FARS2: variants seen among roughly 807,000 people sequenced by gnomAD.
The protein encoded by FARS2 is phenylalanine--tRNA ligase, mitochondrial.
A neutral mutation model predicts 46.4 loss-of-function variants in FARS2; 40 were observed. That is an observed-to-expected ratio of 0.86 (90% CI 0.67 to 1.12). FARS2 has a LOEUF of 1.12. FARS2 is among the 50% of genes most tolerant of loss of function. The pLI, the probability that FARS2 is intolerant of heterozygous loss-of-function variation, is 0.00. For synonymous variants in FARS2, 234 were observed against 214.9 expected (o/e 1.09, Z -0.78); for missense variants, 513 against 567.9 (o/e 0.90, Z 0.98).
chr6:5,261,004 C>T (rs1765070656), upstream of FARS2: 14 of 1,070,944 alleles, frequency 1.3e-5, no homozygotes, highest in African/African-American at 1.7e-5. Flanking sequence ...CCGCCCCGAT[C>T]CCGCCCCCGC....
At chr6:5,670,447 CTGT>C (rs1253688900) in intron 6 of FARS2, among the ~76,000 whole-genome samples, 1 of 152,166 alleles carries the variant, frequency 6.6e-6, no homozygotes, top group African/African-American at 2.4e-5. Flanking sequence ...AAACCATGTC[CTGT>C]TGTTCTTTAT....
At chr6:5,272,704 T>C (rs1419197057) in intron 1 of FARS2, among the ~76,000 whole-genome samples, 2 of 152,202 alleles carry the variant, frequency 1.3e-5, no homozygotes, top group Non-Finnish European at 2.9e-5. Context: ...AAATATGCGA[T>C]AGATTATTAT....
chr6:5,319,566 C>G (rs745692143), intron 1 of FARS2, among the ~76,000 whole-genome samples: 1 of 152,214 alleles, frequency 6.6e-6, no homozygotes, highest in Non-Finnish European at 1.5e-5. Flanking sequence ...GCTGATGGAT[C>G]TCTCGAGTTG....
intron 1 of FARS2, among the ~76,000 whole-genome samples, chr6:5,294,583 GTCCTGGCCTCTTGAAC>G (rs1466475995): frequency 6.6e-6 from 1 of 152,234 alleles, no homozygotes; most frequent in African/African-American, 2.4e-5. Flanking sequence ...ACAGTCACAA[GTCCTGGCCTCTTGAAC>G]TTCTGACTGA....
chr6:5,427,083 T>C (rs1762896249), intron 3 of FARS2, among the ~76,000 whole-genome samples: 2 of 152,234 alleles, frequency 1.3e-5, no homozygotes, highest in Admixed American at 1.3e-4. Context: ...TTTTGGCCTT[T>C]TTTATTTTTA....
chr6:5,759,668 C>CA (rs1254881532), intron 6 of FARS2, among the ~76,000 whole-genome samples: 1 of 152,046 alleles, frequency 6.6e-6, no homozygotes, highest in East Asian at 1.9e-4. Context: ...GTTTTGCTGC[C>CA]AAAAACGGGT....
chr6:5,259,349 C>T (rs924999445), upstream of FARS2, among the ~76,000 whole-genome samples: 2 of 137,632 alleles, frequency 1.5e-5, no homozygotes, highest in Non-Finnish European at 3.0e-5. Flanking sequence ...GCTAAAATTC[C>T]ACCAGTATGC....
At position 5,392,747 on chromosome 6, in the gene FARS2, C is replaced by T. The variant is rs1358983555; in HGVS notation, c.613-11795C>T. ...AAATATATATATATACACACACACA[C>T]ACACACACACACACACACACACATG... On this transcript the variant is annotated intron_variant, in intron 2 of 6. Transcript: ENST00000274680. Among the ~76,000 whole-genome samples the T allele has an allele frequency of 5.1e-4, 29 of 56,486 alleles. 1 individual carries two copies. Among genetic ancestry groups the T allele is most frequent in the Admixed American group, 6.4e-4 (4 of 6,262 alleles). The allele number at this position is 56,486 out of a possible 152,430, so 37.1% of individuals were successfully genotyped here. A position where few individuals can be genotyped will look rare whatever the true frequency, so the allele number is the denominator to read the frequency against.
At chr6:5,632,233 G>A (rs184921576) in intron 6 of FARS2, among the ~76,000 whole-genome samples, 1 of 152,222 alleles carries the variant, frequency 6.6e-6, no homozygotes, top group East Asian at 1.9e-4. Flanking sequence ...CTCTTCACAG[G>A]CGAGACGTGC....
At chr6:5,355,256 G>T (rs1275570450) in intron 1 of FARS2, among the ~76,000 whole-genome samples, 1 of 150,610 alleles carries the variant, frequency 6.6e-6, no homozygotes, top group African/African-American at 2.4e-5. Context: ...GTAAATATTT[G>T]TGATTTTTCC....
intron 1 of FARS2, among the ~76,000 whole-genome samples, chr6:5,327,805 G>A (rs138213368): frequency 6.6e-6 from 1 of 152,212 alleles, no homozygotes; most frequent in Non-Finnish European, 1.5e-5. Flanking sequence ...CCTGGAGTGA[G>A]TAGTCTACCA....
chr6:5,391,689 AT>A (rs1372851419), intron 2 of FARS2, among the ~76,000 whole-genome samples: 4 of 152,060 alleles, frequency 2.6e-5, no homozygotes, highest in Admixed American at 2.6e-4. Flanking sequence ...CACTTGTAGG[AT>A]TTTGCAAAGA....
At chr6:5,298,862 C>CA (rs771852149) in intron 1 of FARS2, among the ~76,000 whole-genome samples, 17,298 of 74,036 alleles carry the variant, frequency 0.23, 1,476 homozygotes, top group Non-Finnish European at 0.28. Flanking sequence ...AACTCCATCT[C>CA]AAAAAAAAAA....
intron 4 of FARS2, among the ~76,000 whole-genome samples, chr6:5,447,023 G>A (rs561825095): frequency 5.8e-4 from 88 of 152,320 alleles, no homozygotes; most frequent in African/African-American, 1.9e-3. Flanking sequence ...GAAGGGCTAC[G>A]AATGCAAAAT....
intron 2 of FARS2, among the ~76,000 whole-genome samples, chr6:5,392,772 GTA>G (rs1286648232): frequency 6.8e-5 from 9 of 131,392 alleles, no homozygotes; most frequent in Middle Eastern, 3.9e-3. Flanking sequence ...ACACACACAT[GTA>G]TATATATGTG....
chr6:5,341,424 G>A lies in FARS2; in HGVS notation c.-21-27126G>A, dbSNP rs548674372. 1.7e-4 allele frequency among the ~76,000 whole-genome samples: 26 copies of A among 149,292 alleles called. No homozygotes were observed. The East Asian group carries it at 4.3e-3, about 25-fold the overall frequency. On this transcript the variant is annotated intron_variant, in intron 1 of 6. Transcript: ENST00000274680. ...TAATCGTCTATGTATTTGCGATACT[G>A]TTGTATGGTTCTGATTTTCCACTCT...
intron 1 of FARS2, among the ~76,000 whole-genome samples, chr6:5,317,570 C>T (rs1162732294): frequency 1.3e-5 from 2 of 151,628 alleles, no homozygotes; most frequent in Non-Finnish European, 2.9e-5. Context: ...TGTCTGAGCC[C>T]AGGAGCTTGA....
intron 6 of FARS2, among the ~76,000 whole-genome samples, chr6:5,739,331 T>A (rs1334560576): frequency 1.4e-5 from 2 of 145,942 alleles, no homozygotes. Flanking sequence ...CCCCCGTCTC[T>A]AAAAAAAAAA....
chr6:5,358,822 T>G (rs932095465), intron 1 of FARS2, among the ~76,000 whole-genome samples: 2 of 152,122 alleles, frequency 1.3e-5, no homozygotes, highest in African/African-American at 4.8e-5. Flanking sequence ...AACTAAGTAC[T>G]ATGATTTGTG....
Sources: gnomAD v4.1 joint callset for allele counts (sites outside exome capture counted in the v4.1 genomes callset) on GRCh38, gnomAD v4.1.1 for gene constraint, MANE v1.5 for transcripts, NCBI Gene and HGNC (gene_info 2026-07-23, HGNC 2026-07-21) for gene names.